Variants in ARHGAP19 observed in about 807,000 individuals in gnomAD.
ARHGAP19 encodes Rho GTPase activating protein 19, also known as rho GTPase-activating protein 19.
A neutral mutation model predicts 60.9 loss-of-function variants in ARHGAP19; 48 were observed. The ratio of observed to expected loss-of-function variants is 0.79; its 90% CI spans 0.62 to 1.00. The LOEUF (loss-of-function observed/expected upper bound fraction) is 1.00. Among genes scored for constraint, ARHGAP19 ranks in the 50% least tolerant of loss-of-function variants. The probability of loss-of-function intolerance (pLI) is 0.00; values close to 1 mark genes in which losing one functional copy is unlikely to be tolerated. For missense variants in ARHGAP19, 562 were observed against 597.2 expected (o/e 0.94, Z 0.61); for synonymous variants, 209 against 215.5 (o/e 0.97, Z 0.27).
chr10:97,234,356 C>T (rs956963258), intron 9 of ARHGAP19, among the ~76,000 whole-genome samples: 4 of 147,688 alleles, frequency 2.7e-5, no homozygotes, highest in African/African-American at 1.0e-4. Flanking sequence ...ACCACCATGG[C>T]ACACATTTAC....
At position 97,265,902 on chromosome 10, in the gene ARHGAP19, C is replaced by T; in HGVS notation, c.280G>A (p.Ala94Thr). 1 of 1,614,164 alleles carries T rather than the reference C, an allele frequency of 6.2e-7. No individual in the cohort carries two copies. Among genetic ancestry groups the T allele is most frequent in the South Asian group, 1.1e-5 (1 of 91,084 alleles). Residue 94 changes from alanine (A) to threonine (T), a missense_variant, in exon 2 of 12, where the codon GCA (alanine) becomes ACA (threonine). By Grantham distance (58) the Ala-to-Thr change is moderately conservative. Transcript: ENST00000358531. ...ATGAGAGACCGGAAGAATCCTGATG[C>T]TGGGCCAGCCCCGCCAGGCAACTTA... ...DLKLPGGAGP[A>T]SGFFRSLMSL...
At chr10:97,268,452 T>C (rs1842925162) in intron 1 of ARHGAP19, among the ~76,000 whole-genome samples, 1 of 152,322 alleles carries the variant, frequency 6.6e-6, no homozygotes, top group East Asian at 1.9e-4. Context: ...ACTCTACTGG[T>C]ACCAATTTAC....
At chr10:97,230,881 C>T (rs1179002777) in intron 9 of ARHGAP19, among the ~76,000 whole-genome samples, 2 of 151,984 alleles carry the variant, frequency 1.3e-5, no homozygotes, top group East Asian at 3.9e-4. Flanking sequence ...GCCTGGCCAA[C>T]ATGGTGAAAT....
At position 97,256,313 on chromosome 10, in the gene ARHGAP19, C is replaced by G; in HGVS notation, c.927+5G>C. 4.3e-6 allele frequency: 7 copies of G among 1,609,640 alleles called. No homozygotes were observed. Among genetic ancestry groups the G allele is most frequent in the Non-Finnish European group, 6.0e-6 (7 of 1,175,970 alleles). On this transcript the variant is annotated splice_donor_5th_base_variant and intron_variant, in intron 6 of 11. Transcript: ENST00000358531. ...GTTACCAGCCAAATGCTATCCCTTA[C>G]CTACCTTAAAAAGTTTCTGGGAGTG...
In ARHGAP19 at chr10:97,223,680, C is replaced by T. The variant is rs1387692282; in HGVS notation, c.*2442G>A. 2 of 152,234 alleles carry T rather than the reference C, an allele frequency of 1.3e-5. No individual in the cohort carries two copies. The highest frequency in any genetic ancestry group is 2.1e-4 in the South Asian group (1 of 4,824). The allele number at this position is 152,234 out of a possible 1,614,324, so 9.4% of individuals were successfully genotyped here. A position where few individuals can be genotyped will look rare whatever the true frequency, so the allele number is the denominator to read the frequency against. On this transcript the variant is annotated 3_prime_UTR_variant, in exon 12 of 12. Coordinates refer to ENST00000358531, the MANE Select transcript of ARHGAP19 (RefSeq NM_032900.6). ...AAAAAAAATCTTATAGATTAAAAAA[C>T]TCTGTTAAATACTGGCTCAAAAACA...
At chr10:97,232,132 C>CTATTTAA (rs1280304468) in intron 9 of ARHGAP19, among the ~76,000 whole-genome samples, 1 of 109,006 alleles carries the variant, frequency 9.2e-6, no homozygotes, top group Non-Finnish European at 2.0e-5. Context: ...GGAGAAATTT[C>CTATTTAA]TATTTAAGTC....
chr10:97,246,245 G>C (rs565869959), intron 7 of ARHGAP19, 27 bp downstream of exon 7: 3 of 1,581,960 alleles, frequency 1.9e-6, no homozygotes, highest in African/African-American at 1.3e-5. Flanking sequence ...CTCCTTGTTT[G>C]GGTTAAGAGC....
rs984002179 is a variant in ARHGAP19 at position 97,223,592 on chromosome 10, C to A, written c.*2530G>T. The A allele has an allele frequency of 6.6e-6, 1 of 152,072 alleles. No individual in the cohort carries two copies. The highest frequency in any genetic ancestry group is 2.4e-5 in the African/African-American group (1 of 41,392). The allele number at this position is 152,072 out of a possible 1,614,324, so 9.4% of individuals were successfully genotyped here. On this transcript the variant is annotated 3_prime_UTR_variant, in exon 12 of 12. Transcript: ENST00000358531. Reference sequence around the variant, plus strand: ...GAAAGAAATGAAGTTGTAAAAGCCACAAGAAGAGGCACTTCCAGAGAGATT... The same window carrying A: ...GAAAGAAATGAAGTTGTAAAAGCCAAAAGAAGAGGCACTTCCAGAGAGATT...
At chr10:97,267,802 T>C (rs1240161526) in intron 1 of ARHGAP19, among the ~76,000 whole-genome samples, 2 of 152,234 alleles carry the variant, frequency 1.3e-5, no homozygotes, top group Admixed American at 1.3e-4. Context: ...GTCCAGGGAC[T>C]GCGCAAAGCA....
chr10:97,287,444 C>A (rs915822176), intron 1 of ARHGAP19, among the ~76,000 whole-genome samples: 1 of 152,162 alleles, frequency 6.6e-6, no homozygotes, highest in Non-Finnish European at 1.5e-5. Flanking sequence ...AGCAATTTTT[C>A]CTTGTTTAAA....
intron 4 of ARHGAP19, among the ~76,000 whole-genome samples, chr10:97,262,630 G>A (rs570548254): frequency 2.0e-5 from 3 of 151,792 alleles, no homozygotes; most frequent in African/African-American, 7.2e-5. Context: ...GCACCATTGC[G>A]CTCCAGCCTA....
chr10:97,270,756 A>G (rs958623197), intron 1 of ARHGAP19: 1 of 1,290,076 alleles, frequency 7.8e-7, no homozygotes, highest in Non-Finnish European at 1.1e-6. Flanking sequence ...ACAAGGGCAC[A>G]TTATGGGGCC....
chr10:97,262,215 C>A (rs1296019430), intron 4 of ARHGAP19, among the ~76,000 whole-genome samples: 7 of 146,928 alleles, frequency 4.8e-5, no homozygotes, highest in African/African-American at 1.8e-4. Flanking sequence ...TTTTTTAAAT[C>A]AGTAACACTA....
intron 1 of ARHGAP19, among the ~76,000 whole-genome samples, chr10:97,290,320 C>A (rs570422050): frequency 3.9e-4 from 59 of 152,316 alleles, no homozygotes; most frequent in African/African-American, 1.4e-3. Flanking sequence ...CTGCTGTGCT[C>A]CTGATCCAGT....
intron 1 of ARHGAP19, among the ~76,000 whole-genome samples, chr10:97,267,409 T>C (rs1358511202): frequency 2.0e-5 from 3 of 152,236 alleles, no homozygotes; most frequent in African/African-American, 7.2e-5. Context: ...GTTTGCAGCT[T>C]TTCCACTGCA....
intron 6 of ARHGAP19, among the ~76,000 whole-genome samples, chr10:97,254,515 C>A (rs11189072): frequency 0.042 from 6,449 of 152,182 alleles, 207 homozygotes; most frequent in Non-Finnish European, 0.061. Flanking sequence ...TTACCTAACA[C>A]CAGAAACAAA....
intron 8 of ARHGAP19, among the ~76,000 whole-genome samples, chr10:97,239,076 T>C (rs1307427692): frequency 6.6e-6 from 1 of 152,228 alleles, no homozygotes; most frequent in African/African-American, 2.4e-5. Context: ...AGCCTAGGTG[T>C]GTACTAAGCT....
chr10:97,234,626 G>A (rs778864716), intron 9 of ARHGAP19, among the ~76,000 whole-genome samples: 88 of 152,094 alleles, frequency 5.8e-4, no homozygotes, highest in Admixed American at 7.2e-4. Flanking sequence ...TACATGTTCC[G>A]ATAGTTTGAA....
At chr10:97,289,725 G>A (rs1202189627) in intron 1 of ARHGAP19, among the ~76,000 whole-genome samples, 11 of 151,756 alleles carry the variant, frequency 7.2e-5, no homozygotes, top group African/African-American at 2.2e-4. Context: ...ATAGTGGCAC[G>A]TGCCTGTAGT....
Sources: allele counts gnomAD v4.1 joint callset (sites outside exome capture counted in the v4.1 genomes callset), GRCh38; gene constraint gnomAD v4.1.1; transcripts MANE v1.5; gene names NCBI Gene and HGNC (gene_info 2026-07-23, HGNC 2026-07-21).